Variants in LRP1 observed in about 807,000 individuals in gnomAD.
LRP1 encodes prolow-density lipoprotein receptor-related protein 1.
Under a neutral mutation model 541.5 loss-of-function variants are expected in LRP1, and 51 were observed. The observed-to-expected ratio is 0.09, with a 90% CI of 0.08 to 0.12. The LOEUF is 0.12. LRP1 is among the 10% of genes least tolerant of loss of function. The probability of loss-of-function intolerance (pLI) is 1.00; values close to 1 mark genes in which losing one functional copy is unlikely to be tolerated. For missense variants in LRP1, 3,878 were observed against 6,376.2 expected (o/e 0.61, Z 13.34); for synonymous variants, 2,219 against 2,470.8 (o/e 0.90, Z 3.02).
At chr12:57,168,230 CT>C (rs1355518596) in intron 19 of LRP1, 1 of 153,532 alleles carries the variant, frequency 6.5e-6, no homozygotes, top group Non-Finnish European at 1.5e-5. Context: ...TGTCCTGAGC[CT>C]GCCGGTCAGT....
Position 57,158,375 on chromosome 12 carries a change from C to T in LRP1, c.1562-27C>T. On this transcript the variant is annotated intron_variant, in intron 10 of 88. Coordinates refer to ENST00000243077, the MANE Select transcript of LRP1 (RefSeq NM_002332.3). This position sits in a 1 kb window ranked among gnomAD's most constrained non-coding sequence, Gnocchi z 5.3. ...GGATGATGGTCATGTGTGTGTCTGA[C>T]TGTACCCTGGCTTGTGCCTGCTCTA... 1 of 1,564,160 alleles carries T rather than the reference C, an allele frequency of 6.4e-7. No homozygotes were observed. The highest frequency in any genetic ancestry group is 8.7e-7 in the Non-Finnish European group (1 of 1,145,296).
At chr12:57,176,916 G>A (rs895953814) in intron 24 of LRP1, 125 bp from the exon 25 acceptor site, 15 of 763,294 alleles carry the variant, frequency 2.0e-5, no homozygotes, top group Non-Finnish European at 3.1e-5. Flanking sequence ...TTGAATATGG[G>A]CACATCAGAA....
intron 48 of LRP1, 65 bp downstream of exon 48, chr12:57,194,077 TC>T: frequency 7.0e-7 from 1 of 1,430,708 alleles, no homozygotes; most frequent in Non-Finnish European, 9.8e-7. Context: ...TCTCCCGCCT[TC>T]AGGCCCTCCT....
At position 57,210,022 on chromosome 12, in the gene LRP1, C is replaced by A. The variant is rs1396262207; in HGVS notation, c.12440-7C>A. ...CAGCATCCTCCCCACCCCACCCATACCTGCAGTGACCAACCCATGTGACCG... is the reference window on the plus strand; with the variant it reads ...CAGCATCCTCCCCACCCCACCCATAACTGCAGTGACCAACCCATGTGACCG... On this transcript the variant is annotated splice_polypyrimidine_tract_variant and splice_region_variant and intron_variant, in intron 80 of 88. Transcript: ENST00000243077. The A allele has an allele frequency of 1.9e-6, 3 of 1,602,492 alleles. No individual in the cohort carries two copies. The highest frequency in any genetic ancestry group is 3.4e-5 in the Admixed American group (2 of 59,338).
At chr12:57,174,790 A>T (rs1279011588) in intron 22 of LRP1, among the ~76,000 whole-genome samples, 1 of 152,104 alleles carries the variant, frequency 6.6e-6, no homozygotes, top group Non-Finnish European at 1.5e-5. Context: ...CAAGGGGAGG[A>T]GGGTGCCCAT....
At position 57,160,993 on chromosome 12, in the gene LRP1, A is replaced by C. The variant is rs775367641; in HGVS notation, c.2080A>C (p.Thr694Pro). The C allele has an allele frequency of 3.7e-6, 6 of 1,613,764 alleles. No homozygotes were observed. The highest frequency in any genetic ancestry group is 3.4e-6 in the Non-Finnish European group (4 of 1,179,966). The change falls in exon 13 of 89, where the codon ACC becomes CCC. Residue 694 changes from threonine (T) to proline (P), a missense_variant. Transcript: ENST00000243077. ...MDGSHRDIFV[T>P]SKTVLWPNGL... ...TGGCTCACACCGAGACATCTTTGTC[A>C]CCTCCAAGACAGTGCTTTGGCCCAA...
chr12:57,189,489 C>T lies in LRP1; in HGVS notation c.7032-1316C>T, dbSNP rs1008976294. On this transcript the variant is annotated intron_variant, in intron 42 of 88. Coordinates refer to ENST00000243077, the MANE Select transcript of LRP1 (RefSeq NM_002332.3). This position sits in a 1 kb window ranked among gnomAD's most constrained non-coding sequence, Gnocchi z 4.4. ...AGGCCCTTAAGATCAGAGCTTCTCA[C>T]GAGCTCGCCGAGGCTCAGGGCAGCC... is the stretch of plus-strand genomic sequence containing the variant. 6.6e-6 allele frequency among the ~76,000 whole-genome samples: 1 copy of T among 152,170 alleles called. No individual in the cohort carries two copies. Among genetic ancestry groups the T allele is most frequent in the African/African-American group, 2.4e-5 (1 of 41,436 alleles).
rs1415600064 is a variant in LRP1, at chr12:57,177,954, T to C, written c.4361+363T>C. Among the ~76,000 whole-genome samples the C allele has an allele frequency of 9.4e-5, 14 of 149,170 alleles. No individual in the cohort carries two copies. The highest frequency in any genetic ancestry group is 8.6e-4 in the Admixed American group (13 of 15,070). On this transcript the variant is annotated intron_variant, in intron 26 of 88. Coordinates refer to ENST00000243077, the MANE Select transcript of LRP1 (RefSeq NM_002332.3). The surrounding 1 kb of genome is among the most constrained non-coding windows in gnomAD (Gnocchi z 6.8). ...AGGGTGCCTTTTTCTTTTCTTTTTT[T>C]TTTTTTTTTTTTGAGACAGAGTCTC...
chr12:57,203,470 G>A lies in LRP1; in HGVS notation c.10900G>A (p.Ala3634Thr), dbSNP rs146774492. ...HCIPLRWRCD[A>T]DADCMDGSDE... ...CATCCCCCTGCGCTGGCGCTGTGAC[G>A]CAGACGCCGACTGCATGGACGGCAG... is the stretch of plus-strand genomic sequence containing the variant. The change falls in exon 70 of 89, where the codon GCA becomes ACA. Residue 3634 changes from alanine to threonine, a missense_variant. Coordinates refer to ENST00000243077, the MANE Select transcript of LRP1 (RefSeq NM_002332.3). The A allele has an allele frequency of 1.0e-3, 1,595 of 1,587,912 alleles. 4 individuals carry two copies. Among genetic ancestry groups the A allele is most frequent in the Non-Finnish European group, 1.3e-3 (1,477 of 1,166,614 alleles).
At position 57,201,008 on chromosome 12, in the gene LRP1, C is replaced by G. The variant is rs369571748; in HGVS notation, c.10226-26C>G. The G allele has an allele frequency of 6.2e-7, 1 of 1,613,780 alleles. No individual in the cohort carries two copies. The highest frequency in any genetic ancestry group is 8.5e-7 in the Non-Finnish European group (1 of 1,179,926). Reference sequence around the variant, plus strand: ...CTGCCCCTGAGTCCTCCCTTCGCCACGAATCACCTCCTCCTCCCTCCACAG... The same window carrying G: ...CTGCCCCTGAGTCCTCCCTTCGCCAGGAATCACCTCCTCCTCCCTCCACAG... On this transcript the variant is annotated intron_variant, in intron 64 of 88. Coordinates refer to ENST00000243077, the MANE Select transcript of LRP1 (RefSeq NM_002332.3). This position sits in a 1 kb window ranked among gnomAD's most constrained non-coding sequence, Gnocchi z 6.4.
rs1346023721 is a variant in LRP1 at position 57,162,964 on chromosome 12, A to G, written c.2511A>G (p.Ala837=). The change falls in exon 15 of 89, where the codon GCA becomes GCG. Residue 837 remains alanine (A), a synonymous_variant. Transcript: ENST00000243077. The surrounding 1 kb of genome is among the most constrained non-coding windows in gnomAD (Gnocchi z 5.2). The stretch of plus-strand genomic sequence containing the variant: ...GTGCTGAGGACCAGGTGTTGGACGC[A>G]GACGGCGTCACTTGCTTGGGTATGA... ...CACAEDQVLD[A]DGVTCLANPS... 6.9e-6 allele frequency: 11 copies of G among 1,604,524 alleles called. No individual in the cohort carries two copies. Among genetic ancestry groups the G allele is most frequent in the Non-Finnish European group, 8.5e-6 (10 of 1,177,800 alleles).
intron 83 of LRP1, 80 bp downstream of exon 83, chr12:57,210,959 T>C (rs1225410757): frequency 5.2e-6 from 8 of 1,528,070 alleles, no homozygotes; most frequent in Non-Finnish European, 6.2e-6. Flanking sequence ...GTTCAACCTG[T>C]GCCTGGGACC....
In LRP1 at chr12:57,206,135, A is replaced by G. The variant is rs1056203596; in HGVS notation, c.11591-338A>G. On this transcript the variant is annotated intron_variant, in intron 75 of 88. Transcript: ENST00000243077. The surrounding 1 kb of genome is among the most constrained non-coding windows in gnomAD (Gnocchi z 4.7). ...CCAAGCACACACACCCCATGTGCCT[A>G]TGCACCCCCGAGCATGTGCCAGGCA... 6.6e-6 allele frequency among the ~76,000 whole-genome samples: 1 copy of G among 152,176 alleles called. No homozygotes were observed. Among genetic ancestry groups the G allele is most frequent in the African/African-American group, 2.4e-5 (1 of 41,432 alleles).
In LRP1 at chr12:57,156,058, C is replaced by T. The variant is rs1268069258; in HGVS notation, c.1228-36C>T. 13 of 1,583,414 alleles carry T rather than the reference C, an allele frequency of 8.2e-6. No individual in the cohort carries two copies. In the African/African-American group the frequency reaches 1.7e-4, roughly 21 times the overall value. On this transcript the variant is annotated intron_variant, in intron 8 of 88. Transcript: ENST00000243077. The surrounding 1 kb of genome is among the most constrained non-coding windows in gnomAD (Gnocchi z 5.2). ...CCAGGACAGAGGGAGGAACCCCTGT[C>T]ATCTCATGCTGTCCATTCTTGCCTG...
Position 57,189,185 on chromosome 12 carries a change from G to A in LRP1, c.7032-1620G>A, listed in dbSNP as rs2036327917. Among the ~76,000 whole-genome samples, 1 of 152,190 alleles carries A rather than the reference G, an allele frequency of 6.6e-6. No homozygotes were observed. Among genetic ancestry groups the A allele is most frequent in the Admixed American group, 6.5e-5 (1 of 15,284 alleles). ...CTCCCTCCTGCCCCATTCCTGGGAA[G>A]CAGGTTCACCCAGACCACAGTTGTG... On this transcript the variant is annotated intron_variant, in intron 42 of 88. Transcript: ENST00000243077. The surrounding 1 kb of genome is among the most constrained non-coding windows in gnomAD (Gnocchi z 4.4).
chr12:57,143,853 T>TGGGCAGGGAG, intron 4 of LRP1, 55 bp downstream of exon 4: 3 of 1,559,896 alleles, frequency 1.9e-6, no homozygotes, highest in Non-Finnish European at 2.6e-6. Context: ...CCAGTTGAGG[T>TGGGCAGGGAG]GGGCAGGGAG....
intron 24 of LRP1, 123 bp from the exon 25 acceptor site, chr12:57,176,918 A>C (rs2036058992): frequency 7.8e-6 from 6 of 769,134 alleles, no homozygotes; most frequent in Non-Finnish European, 4.4e-6. Flanking sequence ...GAATATGGGC[A>C]CATCAGAAAC....
Position 57,205,359 on chromosome 12 carries a change from C to A in LRP1, c.11344C>A (p.Leu3782Met). The change falls in exon 74 of 89, where the codon CTG becomes ATG. Residue 3782 changes from leucine (L) to methionine (M), a missense_variant. Around this residue, in one of 13 missense-constraint regions of LRP1, gnomAD observed 871 missense variants for 1,212.4 expected, o/e 0.72. Coordinates refer to ENST00000243077, the MANE Select transcript of LRP1 (RefSeq NM_002332.3). This position sits in a 1 kb window ranked among gnomAD's most constrained non-coding sequence, Gnocchi z 4.6. The part of the protein sequence containing the change: ...DEEDCSIDPK[L>M]TSCATNASIC... ...CTCTCTGTCCCCCACAGACCCCAAGCTGACCAGCTGCGCCACCAATGCCAG... is the reference window on the plus strand; with the variant it reads ...CTCTCTGTCCCCCACAGACCCCAAGATGACCAGCTGCGCCACCAATGCCAG... 6.2e-7 allele frequency: 1 copy of A among 1,606,278 alleles called. No individual in the cohort carries two copies. Among genetic ancestry groups the A allele is most frequent in the Non-Finnish European group, 8.5e-7 (1 of 1,177,676 alleles).
chr12:57,154,692 G>C lies in LRP1; in HGVS notation c.1218G>C (p.Gln406His). Residue 406 changes from glutamine to histidine, a missense_variant, in exon 8 of 89, where the codon CAG becomes CAC. Transcript: ENST00000243077. This position sits in a 1 kb window ranked among gnomAD's most constrained non-coding sequence, Gnocchi z 4.6. ...YEGKGRQTII[Q>H]GILIEHLYGL... is the part of the protein sequence containing the mutation. ...GCAAGGGCCGCCAGACCATCATCCA[G>C]GGCATCCTGGTGAGGGAGCTACTGT... 1 of 1,559,298 alleles carries C rather than the reference G, an allele frequency of 6.4e-7. No homozygotes were observed.
Sources: gnomAD v4.1 joint callset for allele counts (sites outside exome capture counted in the v4.1 genomes callset) on GRCh38, gnomAD v4.1.1 for gene constraint, gnomAD v4.1.1 regional missense constraint, Gnocchi (gnomAD v3.1) non-coding constraint, MANE v1.5 for transcripts, NCBI Gene and HGNC (gene_info 2026-07-23, HGNC 2026-07-21) for gene names.